MDH2: variants seen among roughly 807,000 people sequenced by gnomAD.
The protein encoded by MDH2 is malate dehydrogenase 2.
Under a neutral mutation model 33.6 loss-of-function variants are expected in MDH2, and 25 were observed. That is an observed-to-expected ratio of 0.74 (90% confidence interval 0.54 to 1.04). MDH2 has a LOEUF of 1.04. Among genes scored for constraint, MDH2 ranks in the 50% least tolerant of loss-of-function variants. The pLI is 0.00. For missense variants in MDH2, 432 were observed against 445.0 expected (o/e 0.97, Z 0.26); for synonymous variants, 193 against 188.7 (o/e 1.02, Z -0.19).
intron 1 of MDH2, among the ~76,000 whole-genome samples, chr7:76,050,413 A>C (rs139447682): frequency 1.4e-3 from 211 of 152,324 alleles, no homozygotes; most frequent in African/African-American, 5.0e-3. Context: ...CAGAGATCAC[A>C]TCATATGGAA....
At chr7:76,050,607 T>C (rs1354620969) in intron 1 of MDH2, among the ~76,000 whole-genome samples, 1 of 152,148 alleles carries the variant, frequency 6.6e-6, no homozygotes, top group Non-Finnish European at 1.5e-5. Context: ...AGTTGAGGGT[T>C]TTCAGCTGCG....
chr7:76,052,606 C>G (rs1479738497), intron 1 of MDH2, among the ~76,000 whole-genome samples: 1 of 150,640 alleles, frequency 6.6e-6, no homozygotes, highest in African/African-American at 2.4e-5. Context: ...GTCTGTCACC[C>G]AGGCTGGAGT....
At position 76,061,191 on chromosome 7, in the gene MDH2, A is replaced by G. The variant is rs575316462; in HGVS notation, c.555+693A>G. ...AGCAGAACCACTTCCTTTGGCCCCA[A>G]AAAGTATTTCTCTTGAGCTTCAGGC... On this transcript the variant is annotated intron_variant, in intron 5 of 8. Coordinates refer to ENST00000315758, the MANE Select transcript of MDH2 (RefSeq NM_005918.4). 2.6e-5 allele frequency among the ~76,000 whole-genome samples: 4 copies of G among 152,288 alleles called. No individual in the cohort carries two copies. In the South Asian group the frequency reaches 8.3e-4, roughly 32 times the overall value.
At chr7:76,051,347 G>C (rs1429692424) in intron 1 of MDH2, among the ~76,000 whole-genome samples, 2 of 142,708 alleles carry the variant, frequency 1.4e-5, no homozygotes, top group Non-Finnish European at 3.0e-5. Flanking sequence ...TTGAGACGGA[G>C]TTCCGCTCTT....
intron 1 of MDH2, among the ~76,000 whole-genome samples, chr7:76,052,748 G>A (rs1010990512): frequency 3.3e-5 from 5 of 151,998 alleles, no homozygotes; most frequent in Non-Finnish European, 5.9e-5. Flanking sequence ...GTTTTGCCAT[G>A]TTGGCCAAGC....
At chr7:76,063,468 A>G in intron 5 of MDH2, 47 bp from the exon 6 acceptor site, 1 of 1,575,892 alleles carries the variant, frequency 6.3e-7, no homozygotes, top group East Asian at 2.2e-5. Context: ...CATGTTTTAC[A>G]GTGAAAGAGC....
In MDH2 at chr7:76,060,423, G is replaced by A. The variant is rs139959689; in HGVS notation, c.480G>A (p.Val160=). Residue 160 remains valine (V), a synonymous_variant, in exon 5 of 9, where the codon GTG becomes GTA. Coordinates refer to ENST00000315758, the MANE Select transcript of MDH2 (RefSeq NM_005918.4). ...CAGAAGTTTTCAAGAAGCATGGAGTGTACAACCCCAACAAAATCTTCGGCG... is the reference window on the plus strand; with the variant it reads ...CAGAAGTTTTCAAGAAGCATGGAGTATACAACCCCAACAAAATCTTCGGCG... ...ITAEVFKKHG[V]YNPNKIFGVT... is the part of the protein sequence containing the mutation. 3.0e-4 allele frequency: 484 copies of A among 1,614,154 alleles called. 3 individuals carry two copies. The African/African-American group carries it at 5.5e-3, about 18-fold the overall frequency.
Position 76,048,227 on chromosome 7 carries a change from G to A in MDH2, c.66+1G>A, listed in dbSNP as rs1554584502. The A allele has an allele frequency of 6.5e-7, 1 of 1,534,626 alleles. No homozygotes were observed. Among genetic ancestry groups the A allele is most frequent in the Admixed American group, 2.0e-5 (1 of 50,968 alleles). Reference sequence around the variant, plus strand: ...CCGCAGCTTCAGCACCTCGGCCCAGGTAGGCCAGACGAGGGGCGGCCTGCA... The same window carrying A: ...CCGCAGCTTCAGCACCTCGGCCCAGATAGGCCAGACGAGGGGCGGCCTGCA... On this transcript the variant is annotated splice_donor_variant, in intron 1 of 8. Coordinates refer to ENST00000315758, the MANE Select transcript of MDH2 (RefSeq NM_005918.4). LOFTEE classifies it high-confidence loss of function.
chr7:76,062,286 A>G (rs1208464755), intron 5 of MDH2, among the ~76,000 whole-genome samples: 1 of 152,174 alleles, frequency 6.6e-6, no homozygotes, highest in African/African-American at 2.4e-5. Flanking sequence ...CCCCCGTCTT[A>G]GCATGCACCA....
At chr7:76,048,772 TG>T (rs1797435673) in intron 1 of MDH2, 1 of 1,227,450 alleles carries the variant, frequency 8.1e-7, no homozygotes, top group African/African-American at 1.6e-5. Context: ...TTAACCTTTT[TG>T]GAGGATCTCT....
intron 1 of MDH2, among the ~76,000 whole-genome samples, chr7:76,049,423 T>G (rs1554584982): frequency 6.6e-6 from 1 of 152,004 alleles, no homozygotes; most frequent in Admixed American, 6.6e-5. Flanking sequence ...CCAAGATAAG[T>G]GAGAAGTGAC....
intron 8 of MDH2, 120 bp downstream of exon 8, chr7:76,065,073 CT>C: frequency 8.1e-7 from 1 of 1,241,360 alleles, no homozygotes; most frequent in Non-Finnish European, 1.1e-6. Flanking sequence ...CTGGCGAGTG[CT>C]GTTGTTTTCA....
At chr7:76,057,567 A>G in intron 3 of MDH2, 74 bp downstream of exon 3, 2 of 1,463,358 alleles carry the variant, frequency 1.4e-6, no homozygotes, top group South Asian at 1.2e-5. Context: ...CCTATTAAAA[A>G]TGGATTTAAT....
At chr7:76,063,313 G>C (rs1798003422) in intron 5 of MDH2, among the ~76,000 whole-genome samples, 1 of 152,234 alleles carries the variant, frequency 6.6e-6, no homozygotes, top group African/African-American at 2.4e-5. Flanking sequence ...CACGGCACCT[G>C]CTGGCGCTCA....
chr7:76,062,203 T>A (rs782470525), intron 5 of MDH2, among the ~76,000 whole-genome samples: 1 of 152,244 alleles, frequency 6.6e-6, no homozygotes, highest in Non-Finnish European at 1.5e-5. Context: ...TCACCCACCA[T>A]ATTCCCTTTC....
intron 4 of MDH2, among the ~76,000 whole-genome samples, chr7:76,059,779 A>G (rs189936889): frequency 6.2e-4 from 95 of 152,316 alleles, no homozygotes; most frequent in East Asian, 1.9e-4. Flanking sequence ...GAGAGCTGCT[A>G]TTCCCTTTGT....
At chr7:76,061,222 T>TGGAG in intron 5 of MDH2, among the ~76,000 whole-genome samples, 1 of 152,298 alleles carries the variant, frequency 6.6e-6, no homozygotes, top group East Asian at 1.9e-4. Flanking sequence ...CAGGCCTTTT[T>TGGAG]GTTCTGATGG....
intron 4 of MDH2, 81 bp downstream of exon 4, chr7:76,058,159 G>A (rs1797840780): frequency 3.9e-6 from 5 of 1,291,674 alleles, no homozygotes; most frequent in Non-Finnish European, 5.4e-6. Flanking sequence ...ACGGTTTGCA[G>A]CAAAGGCTGC....
chr7:76,054,406 T>C (rs1475744028), intron 1 of MDH2: 4 of 218,126 alleles, frequency 1.8e-5, no homozygotes, highest in Admixed American at 6.3e-5. Flanking sequence ...CTGCTCCTAA[T>C]GCATCTCATT....
Sources: gnomAD v4.1 joint callset for allele counts (sites outside exome capture counted in the v4.1 genomes callset) on GRCh38, gnomAD v4.1.1 for gene constraint, MANE v1.5 for transcripts, NCBI Gene and HGNC (gene_info 2026-07-23, HGNC 2026-07-21) for gene names.